Variants in NSUN7 observed in about 807,000 individuals in gnomAD.
NSUN7 encodes the protein NOP2/Sun RNA methyltransferase family member 7.
In NSUN7, 39 loss-of-function variants were observed where a neutral mutation model predicts 58.5. The ratio of observed to expected loss-of-function variants is 0.67; its 90% CI spans 0.52 to 0.87. The LOEUF is 0.87. Ranked by LOEUF, NSUN7 falls within the 40% of genes least tolerant of loss-of-function variation. NSUN7 has a pLI of 0.00. For missense variants in NSUN7, 765 were observed against 844.1 expected (o/e 0.91, Z 1.16); for synonymous variants, 278 against 303.7 (o/e 0.92, Z 0.88).
intron 4 of NSUN7, among the ~76,000 whole-genome samples, chr4:40,762,319 T>C (rs7687805): frequency 4.6e-5 from 7 of 152,228 alleles, no homozygotes; most frequent in African/African-American, 1.7e-4. Context: ...GAAAGTACAA[T>C]GTAGCAACAA....
At chr4:40,764,050 TTTTTTTAA>T (rs1183522000) in intron 4 of NSUN7, among the ~76,000 whole-genome samples, 43 of 151,756 alleles carry the variant, frequency 2.8e-4, no homozygotes, top group African/African-American at 6.8e-4. Context: ...TCTTCTTTGT[TTTTTTTAA>T]TTTTTTAATT....
chr4:40,798,918 G>A lies in NSUN7; in HGVS notation c.1400+14G>A, dbSNP rs372392476. The A allele has an allele frequency of 8.2e-6, 11 of 1,334,106 alleles. No homozygotes were observed. Among genetic ancestry groups the A allele is most frequent in the African/African-American group, 4.4e-5 (3 of 68,450 alleles). 82.6% of individuals were successfully genotyped at this position (1,334,106 alleles called of 1,614,324 possible). ...ACAACCTTACAGGTAAGAAAAGGAA[G>A]GATTCTTCTAAACAACTCAAACAAA... On this transcript the variant is annotated intron_variant, in intron 10 of 11. Coordinates refer to ENST00000381782, the MANE Select transcript of NSUN7 (RefSeq NM_024677.6).
At position 40,794,465 on chromosome 4, in the gene NSUN7, A is replaced by G. The variant is rs201276245; in HGVS notation, c.1271A>G (p.His424Arg). 5.0e-6 allele frequency: 8 copies of G among 1,600,342 alleles called. No homozygotes were observed. The East Asian group carries it at 1.3e-4, about 27-fold the overall frequency. ...CAACAGCAGTATGAACAGCTAACAC[A>G]TGCAATGAAATGTAAGGTTGTCATA... ...LAQQQYEQLT[H>R]AMKFTKAQAV... Residue 424 changes from histidine (H) to arginine (R), a missense_variant, in exon 9 of 12, where the codon CAT (histidine) becomes CGT (arginine). Transcript: ENST00000381782.
rs1740793552 is a variant in NSUN7 at position 40,750,899 on chromosome 4, A to G, written c.206A>G (p.Lys69Arg). ...IEKSAQKVLI[K>R]YGNEPLRSLS... is the part of the protein sequence containing the mutation. ...AAGTCGGCACAGAAAGTCTTAATCA[A>G]GTATGGGAATGAACCCCTGCGGTCC... The change falls in exon 2 of 12, where the codon AAG becomes AGG. Residue 69 changes from lysine to arginine, a missense_variant. Coordinates refer to ENST00000381782, the MANE Select transcript of NSUN7 (RefSeq NM_024677.6). The G allele has an allele frequency of 6.2e-7, 1 of 1,614,110 alleles. No homozygotes were observed. Among genetic ancestry groups the G allele is most frequent in the South Asian group, 1.1e-5 (1 of 91,088 alleles).
chr4:40,758,713 TAAAA>T (rs940217786), intron 2 of NSUN7, among the ~76,000 whole-genome samples: 1 of 151,122 alleles, frequency 6.6e-6, no homozygotes, highest in Non-Finnish European at 1.5e-5. Context: ...ATAAAAACAA[TAAAA>T]AAATAAAAAA....
At chr4:40,752,963 T>A (rs932203882) in intron 2 of NSUN7, among the ~76,000 whole-genome samples, 1 of 152,238 alleles carries the variant, frequency 6.6e-6, no homozygotes, top group African/African-American at 2.4e-5. Flanking sequence ...ACCAAAGTGT[T>A]GTATTTCATG....
intron 7 of NSUN7, chr4:40,786,779 G>A: frequency 6.9e-7 from 1 of 1,447,826 alleles, no homozygotes; most frequent in Non-Finnish European, 9.3e-7. Flanking sequence ...AAATAGAAGA[G>A]TGTCTACAGC....
At chr4:40,777,180 C>G (rs574046401) in intron 7 of NSUN7, among the ~76,000 whole-genome samples, 7 of 152,118 alleles carry the variant, frequency 4.6e-5, no homozygotes, top group Admixed American at 6.6e-5. Context: ...ACCCCCATTC[C>G]AGTCATCTTA....
chr4:40,786,503 T>C (rs1224988406), intron 7 of NSUN7: 26 of 1,613,200 alleles, frequency 1.6e-5, no homozygotes, highest in South Asian at 2.2e-5. Context: ...CCTGTACTTA[T>C]AGTTGCTAAC....
chr4:40,757,668 TTG>T (rs1229044233), intron 2 of NSUN7, among the ~76,000 whole-genome samples: 2 of 145,230 alleles, frequency 1.4e-5, no homozygotes, highest in Non-Finnish European at 3.0e-5. Flanking sequence ...TATATATACA[TTG>T]TGTGTATATA....
chr4:40,759,034 G>A (rs1387452140), intron 2 of NSUN7, among the ~76,000 whole-genome samples: 1 of 152,174 alleles, frequency 6.6e-6, no homozygotes, highest in Admixed American at 6.5e-5. Flanking sequence ...TATACGCCGG[G>A]CACGGTGGCT....
At chr4:40,778,725 G>T (rs1165845812) in intron 7 of NSUN7, among the ~76,000 whole-genome samples, 5 of 152,160 alleles carry the variant, frequency 3.3e-5, no homozygotes, top group Non-Finnish European at 7.4e-5. Context: ...AACATATTAG[G>T]CATACCATAG....
intron 7 of NSUN7, among the ~76,000 whole-genome samples, chr4:40,783,513 TAAAATTA>T (rs1327639556): frequency 6.6e-6 from 1 of 152,158 alleles, no homozygotes; most frequent in African/African-American, 2.4e-5. Context: ...TGGACTTGAT[TAAAATTA>T]AAAACTTTTG....
chr4:40,757,718 G>GTC (rs1741233580), intron 2 of NSUN7, among the ~76,000 whole-genome samples: 1 of 57,558 alleles, frequency 1.7e-5, no homozygotes, highest in African/African-American at 9.8e-5. Flanking sequence ...GTGTGTGTGT[G>GTC]TATATATACA....
At chr4:40,803,030 C>T (rs1379092159) in intron 10 of NSUN7, among the ~76,000 whole-genome samples, 2 of 145,168 alleles carry the variant, frequency 1.4e-5, no homozygotes, top group Non-Finnish European at 3.0e-5. Flanking sequence ...AGTGAGAACA[C>T]GTGGTGTTTG....
At chr4:40,806,991 A>G (rs1013202946) in intron 10 of NSUN7, 70 bp from the exon 11 acceptor site, 2 of 1,487,138 alleles carry the variant, frequency 1.3e-6, no homozygotes, top group South Asian at 1.3e-5. Flanking sequence ...AATGTAGTGT[A>G]ATTTACTTTC....
chr4:40,759,358 T>G (rs1741327831), intron 2 of NSUN7, among the ~76,000 whole-genome samples: 1 of 152,188 alleles, frequency 6.6e-6, no homozygotes, highest in Non-Finnish European at 1.5e-5. Context: ...ATGATGTATA[T>G]ATAGTTTAAG....
chr4:40,772,027 AT>A (rs1332665713), intron 4 of NSUN7, among the ~76,000 whole-genome samples: 1 of 151,970 alleles, frequency 6.6e-6, no homozygotes, highest in Non-Finnish European at 1.5e-5. Context: ...GAACATATGG[AT>A]TTGATCTTTG....
chr4:40,786,586 T>C, intron 7 of NSUN7: 1 of 1,613,372 alleles, frequency 6.2e-7, no homozygotes. Flanking sequence ...CCTGAGTTCA[T>C]CAACTCCTTG....
Sources: allele counts gnomAD v4.1 joint callset (sites outside exome capture counted in the v4.1 genomes callset), GRCh38; gene constraint gnomAD v4.1.1; transcripts MANE v1.5; gene names NCBI Gene and HGNC (gene_info 2026-07-23, HGNC 2026-07-21).